NEB: variants seen among roughly 807,000 people sequenced by gnomAD.
NEB encodes the protein nebulin.
In NEB, 512 loss-of-function variants were observed where a neutral mutation model predicts 952.2. That is an observed-to-expected ratio of 0.54 (90% CI 0.50 to 0.58). NEB has a LOEUF of 0.58. Among genes scored for constraint, NEB ranks in the 20% least tolerant of loss-of-function variants. The probability of loss-of-function intolerance (pLI) is 0.00; values close to 1 mark genes in which losing one functional copy is unlikely to be tolerated. For synonymous variants in NEB, 2,900 were observed against 3,149.8 expected (o/e 0.92, Z 2.66); for missense variants, 8,428 against 9,231.1 (o/e 0.91, Z 3.56).
In NEB at chr2:151,618,364, G is replaced by A. The variant is rs370189384; in HGVS notation, c.10987C>T (p.Arg3663Cys). 42 of 1,613,774 alleles carry A rather than the reference G, an allele frequency of 2.6e-5. No homozygotes were observed. Among genetic ancestry groups the A allele is most frequent in the Middle Eastern group, 1.6e-4 (1 of 6,084 alleles). The change falls in exon 74 of 182, where the codon CGT (arginine) becomes TGT (cysteine). Residue 3663 changes from arginine (R) to cysteine (C), a missense_variant. By Grantham distance (180) the Arg-to-Cys change is radical. Transcript: ENST00000397345. ...AGELLSDTIY[R>C]QRPETLKFTS... is the part of the protein sequence containing the mutation. ...AATTTCAGCGTTTCTGGACGCTGAC[G>A]GTAGATAGTATCACTAAGTAATTCT...
rs1560421362 is a variant in NEB, at chr2:151,612,332, A to G, written c.11659T>C (p.Ser3887Pro). 1 of 1,613,842 alleles carries G rather than the reference A, an allele frequency of 6.2e-7. No individual in the cohort carries two copies. Among genetic ancestry groups the G allele is most frequent in the Admixed American group, 1.7e-5 (1 of 60,002 alleles). The change falls in exon 78 of 182, where the codon TCT (serine) becomes CCT (proline). Residue 3887 changes from serine (S) to proline (P), a missense_variant. Coordinates refer to ENST00000397345, the MANE Select transcript of NEB (RefSeq NM_001164508.2). ...LRGIGWVPIGSVEVEKVKRAG... is the reference protein window; with the variant it reads ...LRGIGWVPIGPVEVEKVKRAG... ...CTCTTCACTTTCTCGACCTCTACAGAGCCAATGGGAACCCATCCTATGCCT... is the reference window on the plus strand; with the variant it reads ...CTCTTCACTTTCTCGACCTCTACAGGGCCAATGGGAACCCATCCTATGCCT...
chr2:151,710,438 CTAA>C lies in NEB; in HGVS notation c.920_922del (p.Ile307del). On this transcript the variant is annotated inframe_deletion, in exon 11 of 182. Transcript: ENST00000397345. Reference sequence around the variant, plus strand: ...AGCCATCCCTTCCCACTTAACTGTGCTAATGTTATCAGCATTCATTCTGGCATT... The same window carrying C: ...AGCCATCCCTTCCCACTTAACTGTGCTGTTATCAGCATTCATTCTGGCATT... 6.2e-7 allele frequency: 1 copy of C among 1,608,816 alleles called. No homozygotes were observed. Among genetic ancestry groups the C allele is most frequent in the Non-Finnish European group, 8.5e-7 (1 of 1,175,556 alleles).
At position 151,490,382 on chromosome 2, in the gene NEB, T is replaced by G. The variant is rs915172166; in HGVS notation, c.25287A>C (p.Ala8429=). The change falls in exon 180 of 182, where the codon GCA becomes GCC. Residue 8429 remains alanine, a synonymous_variant. Transcript: ENST00000397345. ...LSTYSDGGVF[A]VSTAYKHAKT... ...GCCAGGCACTTGTACCTGTTGAGAC[T>G]GCAAAGACACCCCCGTCGCTGTAAG... The G allele has an allele frequency of 1.3e-6, 2 of 1,590,074 alleles. No homozygotes were observed. Among genetic ancestry groups the G allele is most frequent in the Non-Finnish European group, 1.7e-6 (2 of 1,167,224 alleles).
intron 47 of NEB, 81 bp from the exon 48 acceptor site, chr2:151,658,171 G>A: frequency 9.4e-7 from 1 of 1,060,138 alleles, no homozygotes; most frequent in Admixed American, 2.8e-5. Flanking sequence ...CTACCACTGT[G>A]GCGTCTTTTT....
chr2:151,523,958 C>G (rs2083686444), intron 153 of NEB, among the ~76,000 whole-genome samples: 1 of 152,168 alleles, frequency 6.6e-6, no homozygotes, highest in Non-Finnish European at 1.5e-5. Context: ...CATGTTAAAT[C>G]TATCCCAGGT....
chr2:151,568,788 T>C, intron 110 of NEB, 72 bp from the exon 111 acceptor site: 1 of 1,067,304 alleles, frequency 9.4e-7, no homozygotes, highest in Non-Finnish European at 1.4e-6. Flanking sequence ...ATACACTAAA[T>C]TTAGAGTCCT....
intron 107 of NEB, among the ~76,000 whole-genome samples, chr2:151,572,893 G>A (rs917223606): frequency 2.0e-5 from 3 of 149,348 alleles, no homozygotes; most frequent in East Asian, 1.9e-4. Context: ...AAAAAAGCCC[G>A]GGGCCTGAGA....
chr2:151,673,732 C>CTTTTT (rs10716811), intron 36 of NEB, among the ~76,000 whole-genome samples: 90 of 92,374 alleles, frequency 9.7e-4, no homozygotes, highest in South Asian at 1.4e-3. Context: ...TTTTCTTTTT[C>CTTTTT]TTTTTTTTTT....
Position 151,643,244 on chromosome 2 carries a change from A to G in NEB, c.8066T>C (p.Val2689Ala), listed in dbSNP as rs1241788939. 18 of 1,613,852 alleles carry G rather than the reference A, an allele frequency of 1.1e-5. No homozygotes were observed. The highest frequency in any genetic ancestry group is 1.4e-5 in the Non-Finnish European group (17 of 1,179,850). Reference protein sequence around the residue: ...KRATQILSDHVYRQHPDQFKF... With the variant: ...KRATQILSDHAYRQHPDQFKF... ...AAATTGATCTGGGTGCTGACGGTAA[A>G]CATGGTCACTCAAAATCTGGGTGGC... is the stretch of plus-strand genomic sequence containing the variant. The change falls in exon 58 of 182, where the codon GTT becomes GCT. Residue 2689 changes from valine to alanine, a missense_variant. Val to Ala is a moderately conservative substitution (Grantham distance 64). This residue lies in a region of NEB where 1,772 missense variants were observed against 1,960.3 expected (regional missense o/e 0.90). Transcript: ENST00000397345.
At position 151,491,720 on chromosome 2, in the gene NEB, T is replaced by C; in HGVS notation, c.25113A>G (p.Glu8371=). 1.3e-6 allele frequency: 2 copies of C among 1,598,574 alleles called. No individual in the cohort carries two copies. The highest frequency in any genetic ancestry group is 1.7e-6 in the Non-Finnish European group (2 of 1,172,116). Reference sequence around the variant, plus strand: ...GTAAGCTTCGGGACTGGATGTTGTCTTCTGCTGGATCATAGTCAAAAACCG... The same window carrying C: ...GTAAGCTTCGGGACTGGATGTTGTCCTCTGCTGGATCATAGTCAAAAACCG... ...PGSVFDYDPA[E]DNIQSRSLHM... is the part of the protein sequence containing the mutation. The change falls in exon 179 of 182, where the codon GAA becomes GAG. Residue 8371 remains glutamate (E), a synonymous_variant. Transcript: ENST00000397345.
At chr2:151,544,684 G>A (rs1382093505) in intron 135 of NEB, among the ~76,000 whole-genome samples, 1 of 152,236 alleles carries the variant, frequency 6.6e-6, no homozygotes, top group Non-Finnish European at 1.5e-5. Flanking sequence ...GTCATCCTCT[G>A]ATTCTGGCTC....
Position 151,724,958 on chromosome 2 carries a change from TAACCTGCCC to T in NEB, c.403-6_405del, listed in dbSNP as rs1553689774. 1 of 1,612,442 alleles carries T rather than the reference TAACCTGCCC, an allele frequency of 6.2e-7. No homozygotes were observed. The highest frequency in any genetic ancestry group is 1.7e-5 in the Admixed American group (1 of 59,948). ...GCAACATCACCATCCATTCGATACT[TAACCTGCCC>T]AAATAATGCACAGTTAGAGTTCATG... On this transcript the variant is annotated splice_acceptor_variant and splice_polypyrimidine_tract_variant and coding_sequence_variant and intron_variant, in exon 7 of 182. Transcript: ENST00000397345. LOFTEE classifies it high-confidence loss of function.
rs1167234650 is a variant in NEB at position 151,605,818 on chromosome 2, T to C, written c.12747+788A>G. 3.1e-5 allele frequency among the ~76,000 whole-genome samples: 3 copies of C among 96,360 alleles called. 1 individual carries two copies. The highest frequency in any genetic ancestry group is 7.8e-5 in the Non-Finnish European group (3 of 38,302). 63.2% of individuals were successfully genotyped at this position (96,360 alleles called of 152,430 possible). A position where few individuals can be genotyped will look rare whatever the true frequency, so the allele number is the denominator to read the frequency against. ...ATTCTATTTTTATTTTTATTTTTTT[T>C]GAAACGCAGTTTCAGTCTTGTTGCC... On this transcript the variant is annotated intron_variant, in intron 84 of 181. Transcript: ENST00000397345.
intron 60 of NEB, 63 bp from the exon 61 acceptor site, chr2:151,640,729 C>G (rs376890655): frequency 6.6e-7 from 1 of 1,504,234 alleles, no homozygotes; most frequent in African/African-American, 1.4e-5. Context: ...AATCACTAAG[C>G]CTAACTTGCT....
At chr2:151,527,372 C>G (rs2086907352) in intron 147 of NEB, 109 bp downstream of exon 147, 2 of 953,004 alleles carry the variant, frequency 2.1e-6, no homozygotes, top group African/African-American at 3.3e-5. Flanking sequence ...TCTCGGATCT[C>G]AAACGAGCAA....
rs757967535 is a variant in NEB, at chr2:151,723,332, A to C, written c.717+50T>G. 7 of 1,353,974 alleles carry C rather than the reference A, an allele frequency of 5.2e-6. No individual in the cohort carries two copies. In the Admixed American group the frequency reaches 1.4e-4, roughly 28 times the overall value. The allele number at this position is 1,353,974 out of a possible 1,614,324, so 83.9% of individuals were successfully genotyped here. A position where few individuals can be genotyped will look rare whatever the true frequency, so the allele number is the denominator to read the frequency against. The stretch of plus-strand genomic sequence containing the variant: ...CCATCTGGCCAGAATATGTAATTCA[A>C]GTTCCCCTGACTCTGCACACCTAAG... On this transcript the variant is annotated intron_variant, in intron 9 of 181. Coordinates refer to ENST00000397345, the MANE Select transcript of NEB (RefSeq NM_001164508.2).
chr2:151,618,138 A>G, intron 74 of NEB, 137 bp downstream of exon 74: 1 of 754,398 alleles, frequency 1.3e-6, no homozygotes, highest in South Asian at 1.6e-5. Flanking sequence ...CTAAGTAACT[A>G]TGGTATTATA....
At chr2:151,717,249 G>C (rs1033428793) in intron 10 of NEB, among the ~76,000 whole-genome samples, 167 bp downstream of exon 10, 1 of 152,182 alleles carries the variant, frequency 6.6e-6, no homozygotes, top group Non-Finnish European at 1.5e-5. Flanking sequence ...AGTTCTTGAC[G>C]TTTATGGATG....
intron 71 of NEB, among the ~76,000 whole-genome samples, chr2:151,625,151 T>C (rs1409603047): frequency 1.3e-5 from 2 of 152,196 alleles, no homozygotes; most frequent in Non-Finnish European, 2.9e-5. Context: ...AAGGTAAGCA[T>C]TTTAATCCTA....
Sources: allele counts gnomAD v4.1 joint callset (sites outside exome capture counted in the v4.1 genomes callset), GRCh38; gene constraint gnomAD v4.1.1; regional missense constraint gnomAD v4.1.1; transcripts MANE v1.5; gene names NCBI Gene and HGNC (gene_info 2026-07-23, HGNC 2026-07-21).